The following NRXN3 variants were observed in gnomAD, a reference collection of about 807,000 sequenced individuals.
NRXN3 encodes the protein neurexin III.
NRXN3 carries 32 observed loss-of-function variants against 137.6 expected under a neutral mutation model. That is an observed-to-expected ratio of 0.23 (90% CI 0.18 to 0.31). NRXN3 has a LOEUF of 0.31. Ranked by LOEUF, NRXN3 falls within the 10% of genes least tolerant of loss-of-function variation. The probability of loss-of-function intolerance (pLI) is 1.00; values close to 1 mark genes in which losing one functional copy is unlikely to be tolerated. For missense variants in NRXN3, 1,574 were observed against 2,062.5 expected (o/e 0.76, Z 4.59); for synonymous variants, 798 against 784.5 (o/e 1.02, Z -0.29).
intron 15 of NRXN3, among the ~76,000 whole-genome samples, chr14:79,110,366 A>G (rs2053251497): frequency 6.6e-6 from 1 of 152,220 alleles, no homozygotes; most frequent in East Asian, 1.9e-4. Flanking sequence ...GGTCCTTTCT[A>G]GATCCATTCC....
chr14:78,925,948 C>G (rs1223348131), intron 10 of NRXN3, among the ~76,000 whole-genome samples: 3 of 152,116 alleles, frequency 2.0e-5, no homozygotes, highest in African/African-American at 7.2e-5. Flanking sequence ...GTAAAACTCA[C>G]TGAAGTATTT....
chr14:79,793,601 T>C (rs1009512506), intron 19 of NRXN3, among the ~76,000 whole-genome samples: 2 of 152,128 alleles, frequency 1.3e-5, no homozygotes, highest in African/African-American at 4.8e-5. Context: ...ATATAATTTG[T>C]GGAAACCAAT....
chr14:78,659,833 A>C lies in NRXN3; in HGVS notation c.1221+8507A>C, dbSNP rs180674210. 7.4e-3 allele frequency among the ~76,000 whole-genome samples: 1,120 copies of C among 152,264 alleles called. 9 individuals are homozygous for C. The highest frequency in any genetic ancestry group is 0.01 in the Non-Finnish European group (701 of 68,012). ...AAAAGAGATGACTTTCTGGATTACAAGGAATTGAAGTGGGCAGGAAAGAGA... is the reference window on the plus strand; with the variant it reads ...AAAAGAGATGACTTTCTGGATTACACGGAATTGAAGTGGGCAGGAAAGAGA... On this transcript the variant is annotated intron_variant, in intron 6 of 20. Coordinates refer to ENST00000335750, the MANE Select transcript of NRXN3 (RefSeq NM_001330195.2).
chr14:78,863,211 T>TGG (rs2152536382), intron 10 of NRXN3, among the ~76,000 whole-genome samples: 1 of 152,234 alleles, frequency 6.6e-6, no homozygotes, highest in South Asian at 2.1e-4. Context: ...TTTACTGAAT[T>TGG]TATATGAACC....
intron 8 of NRXN3, among the ~76,000 whole-genome samples, chr14:78,793,311 CA>C (rs2098811197): frequency 6.6e-6 from 1 of 152,048 alleles, no homozygotes; most frequent in African/African-American, 2.4e-5. Context: ...TTGGTGAGAA[CA>C]GTGACGGCAT....
At chr14:78,767,037 C>T (rs1245837006) in intron 8 of NRXN3, among the ~76,000 whole-genome samples, 1 of 152,188 alleles carries the variant, frequency 6.6e-6, no homozygotes, top group Non-Finnish European at 1.5e-5. Context: ...CTTAAAACAA[C>T]ACACATTGAT....
At chr14:79,422,697 CTT>C (rs1185262366) in intron 15 of NRXN3, among the ~76,000 whole-genome samples, 19 of 130,156 alleles carry the variant, frequency 1.5e-4, no homozygotes, top group East Asian at 1.1e-3. Flanking sequence ...GTTCCACATT[CTT>C]TTTTTTTTTT....
chr14:78,933,376 G>C (rs1232511089), intron 10 of NRXN3, among the ~76,000 whole-genome samples: 2 of 152,180 alleles, frequency 1.3e-5, no homozygotes, highest in African/African-American at 4.8e-5. Flanking sequence ...TGAATTTTCT[G>C]TAATAGAATA....
intron 15 of NRXN3, among the ~76,000 whole-genome samples, chr14:79,422,005 G>A (rs755893672): frequency 1.7e-4 from 25 of 149,824 alleles, no homozygotes; most frequent in Non-Finnish European, 2.7e-4. Context: ...TCTCTTTTCT[G>A]ATCTTGCTCT....
chr14:78,635,602 T>G (rs1374019068), intron 4 of NRXN3, among the ~76,000 whole-genome samples: 2 of 152,220 alleles, frequency 1.3e-5, no homozygotes, highest in African/African-American at 2.4e-5. Context: ...TCCAGCTCTG[T>G]GTCCCTCCTA....
At chr14:78,684,583 T>A (rs1602395850) in intron 6 of NRXN3, among the ~76,000 whole-genome samples, 1 of 151,976 alleles carries the variant, frequency 6.6e-6, no homozygotes, top group Non-Finnish European at 1.5e-5. Context: ...GGCAGGAGGG[T>A]CACTCAAGGT....
intron 4 of NRXN3, among the ~76,000 whole-genome samples, chr14:78,404,430 C>T (rs2092348547): frequency 6.6e-6 from 1 of 152,046 alleles, no homozygotes; most frequent in African/African-American, 2.4e-5. Flanking sequence ...AAACACATTC[C>T]CCTAGTGCAC....
chr14:78,951,940 T>C (rs564095569), intron 10 of NRXN3, among the ~76,000 whole-genome samples: 40 of 152,254 alleles, frequency 2.6e-4, no homozygotes, highest in African/African-American at 9.4e-4. Context: ...GCAGTCTCAA[T>C]GGTATGTTTG....
At chr14:79,444,694 G>A (rs1236456150) in intron 15 of NRXN3, among the ~76,000 whole-genome samples, 1 of 152,164 alleles carries the variant, frequency 6.6e-6, no homozygotes. Flanking sequence ...TGGACATGGT[G>A]ACCCATGCCT....
intron 16 of NRXN3, among the ~76,000 whole-genome samples, chr14:79,632,096 G>A (rs977760077): frequency 6.6e-6 from 1 of 152,106 alleles, no homozygotes; most frequent in Non-Finnish European, 1.5e-5. Flanking sequence ...AAATCTTGCT[G>A]CTACTCACTC....
intron 10 of NRXN3, among the ~76,000 whole-genome samples, chr14:78,862,446 A>C (rs2099075072): frequency 6.6e-6 from 1 of 152,114 alleles, no homozygotes; most frequent in Non-Finnish European, 1.5e-5. Context: ...TAAAATGTTC[A>C]GTACCAGCAG....
intron 10 of NRXN3, among the ~76,000 whole-genome samples, chr14:78,858,088 A>G (rs985590170): frequency 6.6e-6 from 1 of 152,168 alleles, no homozygotes; most frequent in Admixed American, 6.5e-5. Context: ...TTGCTAGGGG[A>G]GTTCCCTAGT....
intron 4 of NRXN3, among the ~76,000 whole-genome samples, chr14:78,574,913 T>C (rs1481503624): frequency 1.3e-5 from 2 of 152,138 alleles, no homozygotes; most frequent in African/African-American, 4.8e-5. Context: ...AATGATATGG[T>C]TTGCCTCTGG....
At chr14:78,205,928 T>C (rs192479328) in intron 1 of NRXN3, among the ~76,000 whole-genome samples, 31 of 152,136 alleles carry the variant, frequency 2.0e-4, no homozygotes, top group African/African-American at 7.5e-4. Context: ...AGGTAAGAGA[T>C]GGTGATGGAG....
Sources: gnomAD v4.1 joint callset for allele counts (sites outside exome capture counted in the v4.1 genomes callset) on GRCh38, gnomAD v4.1.1 for gene constraint, MANE v1.5 for transcripts, NCBI Gene and HGNC (gene_info 2026-07-23, HGNC 2026-07-21) for gene names.